GLIS3: variants seen among roughly 807,000 people sequenced by gnomAD.
GLIS3 encodes the protein zinc finger protein GLIS3.
GLIS3 carries 53 observed loss-of-function variants against 78.6 expected under a neutral mutation model. That is an observed-to-expected ratio of 0.67 (90% CI 0.54 to 0.85). The LOEUF (loss-of-function observed/expected upper bound fraction) is 0.85. Among genes scored for constraint, GLIS3 ranks in the 40% least tolerant of loss-of-function variants. The probability of loss-of-function intolerance (pLI) is 0.00; values close to 1 mark genes in which losing one functional copy is unlikely to be tolerated. For missense variants in GLIS3, 1,703 were observed against 1,231.1 expected, an observed-to-expected ratio of 1.38 and a Z score of -5.74; for synonymous variants, 684 against 509.9, an observed-to-expected ratio of 1.34 and a Z score of -4.60.
chr9:4,122,828 C>T (rs1832288209), intron 3 of GLIS3, among the ~76,000 whole-genome samples: 2 of 152,186 alleles, frequency 1.3e-5, no homozygotes, highest in African/African-American at 2.4e-5. Context: ...AGCACCTCAG[C>T]CTTGTCATTT....
the GLIS3 span, among the ~76,000 whole-genome samples, chr9:4,481,420 G>A: frequency 1.3e-5 from 2 of 152,022 alleles, no homozygotes; most frequent in Non-Finnish European, 2.9e-5. Context: ...GGAGGTGTAT[G>A]TTGCAGTGAG....
chr9:4,036,736 T>C (rs1824346224), intron 4 of GLIS3, among the ~76,000 whole-genome samples: 3 of 152,166 alleles, frequency 2.0e-5, no homozygotes, highest in Admixed American at 2.0e-4. Flanking sequence ...ACCATAGTGA[T>C]TACTAGTTGT....
chr9:4,355,341 A>AG, the GLIS3 span, among the ~76,000 whole-genome samples: 1 of 152,152 alleles, frequency 6.6e-6, no homozygotes, highest in African/African-American at 2.4e-5. Flanking sequence ...CCTGTAAGGC[A>AG]GGGCTCATTT....
intron 4 of GLIS3, among the ~76,000 whole-genome samples, chr9:3,953,795 C>CTCTCTCTCTATATATATA (rs1403671770): frequency 1.1e-4 from 8 of 73,314 alleles, no homozygotes; most frequent in African/African-American, 4.6e-4. Context: ...CTCTCTCTCT[C>CTCTCTCTCTATATATATA]TATATATATA....
the GLIS3 span, among the ~76,000 whole-genome samples, chr9:4,355,441 C>T: frequency 2.6e-5 from 4 of 152,136 alleles, no homozygotes; most frequent in Admixed American, 2.6e-4. Context: ...TAAATACAAG[C>T]ACTTCTAGGA....
At chr9:3,962,167 C>T (rs972679789) in intron 4 of GLIS3, among the ~76,000 whole-genome samples, 4 of 152,058 alleles carry the variant, frequency 2.6e-5, no homozygotes, top group South Asian at 2.1e-4. Context: ...CTGCCGTGAG[C>T]CATGCTGGTG....
the GLIS3 span, among the ~76,000 whole-genome samples, chr9:4,409,177 T>C: frequency 6.6e-6 from 1 of 152,190 alleles, no homozygotes; most frequent in East Asian, 1.9e-4. Flanking sequence ...TAACTTCTCC[T>C]CTTGGAGCAC....
intron 4 of GLIS3, among the ~76,000 whole-genome samples, chr9:4,306,589 G>T (rs1012576411): frequency 1.4e-4 from 21 of 152,130 alleles, no homozygotes; most frequent in Non-Finnish European, 2.4e-4. Context: ...ACTGAAATAG[G>T]ATTTTTCTCA....
At chr9:4,474,722 C>T in the GLIS3 span, among the ~76,000 whole-genome samples, 27 of 128,122 alleles carry the variant, frequency 2.1e-4, no homozygotes, top group East Asian at 3.5e-3. Flanking sequence ...TTTGAGATGG[C>T]GTCTTGTTCT....
At chr9:4,090,582 C>T (rs148915878) in intron 4 of GLIS3, among the ~76,000 whole-genome samples, 2 of 152,150 alleles carry the variant, frequency 1.3e-5, no homozygotes, top group Admixed American at 1.3e-4. Flanking sequence ...GTCCAAGACA[C>T]AGAATCCCAA....
Position 3,967,022 on chromosome 9 carries a change from A to AC in GLIS3, c.1711-29834_1711-29833insG, listed in dbSNP as rs1488392517. 3.3e-4 allele frequency among the ~76,000 whole-genome samples: 48 copies of AC among 144,532 alleles called. 1 individual carries two copies. The highest frequency in any genetic ancestry group is 1.2e-3 in the African/African-American group (47 of 38,444). 94.8% of individuals were successfully genotyped at this position (144,532 alleles called of 152,430 possible). A position where few individuals can be genotyped will look rare whatever the true frequency, so the allele number is the denominator to read the frequency against. ...ACAATTTCTTTCTGCAAAAAAAAAA[A>AC]AAAAAAAAAAACAAAAAAACATTTT... On this transcript the variant is annotated intron_variant, in intron 4 of 10. Transcript: ENST00000381971.
In GLIS3 at chr9:3,826,120, G is replaced by C. The variant is rs1817714003; in HGVS notation, c.*2152C>G. The stretch of plus-strand genomic sequence containing the variant: ...CCCTTTCTATTTTAAATTACATAAA[G>C]CCAAAAGGCAGGGCTGACAATGTCA... On this transcript the variant is annotated 3_prime_UTR_variant, in exon 11 of 11. Transcript: ENST00000381971. The C allele has an allele frequency of 6.6e-6, 1 of 152,118 alleles. No individual in the cohort carries two copies. The highest frequency in any genetic ancestry group is 1.5e-5 in the Non-Finnish European group (1 of 68,026). 9.4% of individuals were successfully genotyped at this position (152,118 alleles called of 1,614,324 possible).
chr9:4,435,960 A>AAAC, the GLIS3 span, among the ~76,000 whole-genome samples: 8 of 152,114 alleles, frequency 5.3e-5, no homozygotes, highest in Non-Finnish European at 1.2e-4. Context: ...AAACAAAACA[A>AAAC]AACAAAACAA....
upstream of GLIS3, among the ~76,000 whole-genome samples, chr9:4,351,049 G>T (rs1817964617): frequency 6.6e-6 from 1 of 152,034 alleles, no homozygotes; most frequent in South Asian, 2.1e-4. Flanking sequence ...CTGGGCCCTG[G>T]GCTTCACTTC....
intron 2 of GLIS3, among the ~76,000 whole-genome samples, chr9:4,188,075 A>G (rs1817976834): frequency 6.6e-6 from 1 of 151,930 alleles, no homozygotes; most frequent in South Asian, 2.1e-4. Flanking sequence ...GTCTTGTGCC[A>G]GTTTTCAAAG....
chr9:4,176,905 T>TA (rs1816858486), intron 2 of GLIS3, among the ~76,000 whole-genome samples: 1 of 152,252 alleles, frequency 6.6e-6, no homozygotes. Flanking sequence ...ATTACAGGCG[T>TA]AAGCCACCAT....
intron 2 of GLIS3, among the ~76,000 whole-genome samples, chr9:4,188,911 C>A (rs369351494): frequency 5.3e-5 from 8 of 152,164 alleles, no homozygotes; most frequent in African/African-American, 1.4e-4. Flanking sequence ...GTCTTGCTAG[C>A]GGTCTATCAA....
chr9:4,105,705 A>C (rs911735314), intron 4 of GLIS3, among the ~76,000 whole-genome samples: 4 of 152,150 alleles, frequency 2.6e-5, no homozygotes, highest in Non-Finnish European at 4.4e-5. Flanking sequence ...GTTTTGATTT[A>C]CTATCTCAAT....
the GLIS3 span, among the ~76,000 whole-genome samples, chr9:4,448,820 T>A: frequency 6.6e-6 from 1 of 152,198 alleles, no homozygotes; most frequent in African/African-American, 2.4e-5. Context: ...TTTGTTTGTT[T>A]GCTTAAAAAA....
Sources: gnomAD v4.1 joint callset for allele counts (sites outside exome capture counted in the v4.1 genomes callset) on GRCh38, gnomAD v4.1.1 for gene constraint, MANE v1.5 for transcripts, NCBI Gene and HGNC (gene_info 2026-07-23, HGNC 2026-07-21) for gene names.